Variants in TIAM2 observed in about 807,000 individuals in gnomAD.
TIAM2 encodes the protein rho guanine nucleotide exchange factor TIAM2.
TIAM2 carries 80 observed loss-of-function variants against 152.9 expected under a neutral mutation model. The ratio of observed to expected loss-of-function variants is 0.52; its 90% CI spans 0.44 to 0.63. The LOEUF (loss-of-function observed/expected upper bound fraction) is 0.63, where lower values mean the gene tolerates loss of function less well. Ranked by LOEUF, TIAM2 falls within the 30% of genes least tolerant of loss-of-function variation. TIAM2 has a pLI of 0.00. For synonymous variants in TIAM2, 804 were observed against 838.0 expected (o/e 0.96, Z 0.70); for missense variants, 1,965 against 2,120.1 (o/e 0.93, Z 1.44).
intron 1 of TIAM2, among the ~76,000 whole-genome samples, chr6:155,077,213 A>G (rs909175168): frequency 6.6e-6 from 1 of 151,316 alleles, no homozygotes; most frequent in Non-Finnish European, 1.5e-5. Flanking sequence ...CAGGAACCCT[A>G]TAGGCTTAGC....
chr6:155,137,637 G>A (rs758154892), intron 5 of TIAM2, 25 bp downstream of exon 5: 15 of 1,529,036 alleles, frequency 9.8e-6, no homozygotes, highest in African/African-American at 8.3e-5. Flanking sequence ...ACCTGCTGAG[G>A]CCACTGGGGA....
At chr6:155,181,292 G>A (rs570335179) in intron 12 of TIAM2, among the ~76,000 whole-genome samples, 18 of 152,270 alleles carry the variant, frequency 1.2e-4, no homozygotes, top group African/African-American at 3.8e-4. Flanking sequence ...TTTGCATGTA[G>A]TCTTATGTAT....
At chr6:155,228,983 G>C (rs898225293) in intron 15 of TIAM2, among the ~76,000 whole-genome samples, 1 of 152,168 alleles carries the variant, frequency 6.6e-6, no homozygotes, top group Non-Finnish European at 1.5e-5. Context: ...TTGCCACTTG[G>C]GACATGCACA....
intron 1 of TIAM2, among the ~76,000 whole-genome samples, chr6:155,029,435 ATATTATACTATAGTATATAT>A: frequency 2.3e-5 from 1 of 44,024 alleles, no homozygotes; most frequent in Non-Finnish European, 3.9e-5. Flanking sequence ...ACTATAGTAT[ATATTATACTATAGTATATAT>A]TATATATAAT....
intron 2 of TIAM2, among the ~76,000 whole-genome samples, chr6:155,099,235 T>A (rs1334505381): frequency 6.6e-6 from 1 of 151,430 alleles, no homozygotes; most frequent in African/African-American, 2.4e-5. Flanking sequence ...TGTGTGTGTG[T>A]GTGTGTGTGT....
chr6:155,093,171 T>C (rs1778341083), intron 2 of TIAM2, among the ~76,000 whole-genome samples: 1 of 152,242 alleles, frequency 6.6e-6, no homozygotes, highest in African/African-American at 2.4e-5. Context: ...TAAACTTTGC[T>C]TGGCCTCAGT....
chr6:155,242,303 TTTC>T (rs1783074256), intron 16 of TIAM2, among the ~76,000 whole-genome samples: 1 of 152,180 alleles, frequency 6.6e-6, no homozygotes, highest in African/African-American at 2.4e-5. Context: ...CACACCACCG[TTTC>T]TTCATTTCTT....
intron 15 of TIAM2, among the ~76,000 whole-genome samples, chr6:155,233,284 G>T (rs1354223955): frequency 1.3e-5 from 2 of 152,180 alleles, no homozygotes; most frequent in Non-Finnish European, 2.9e-5. Flanking sequence ...TATCAAAGTT[G>T]TTGTGATCAA....
At chr6:155,083,272 C>A (rs1267064371) in intron 1 of TIAM2, among the ~76,000 whole-genome samples, 2 of 150,856 alleles carry the variant, frequency 1.3e-5, no homozygotes, top group Non-Finnish European at 2.9e-5. Flanking sequence ...TCACTTGAAC[C>A]CTGGAGGCAG....
intron 20 of TIAM2, among the ~76,000 whole-genome samples, chr6:155,249,517 G>A (rs1043083918): frequency 1.3e-5 from 2 of 152,102 alleles, no homozygotes; most frequent in African/African-American, 4.8e-5. Context: ...GAGTTATTGC[G>A]GGCACTAAAT....
chr6:155,125,816 C>T lies in TIAM2; in HGVS notation c.-117-1674C>T, dbSNP rs556876790. On this transcript the variant is annotated intron_variant, in intron 2 of 26. Transcript: ENST00000682666. ...TTGTGCCACTGCACTCCAGCCTGGACGACAGAGCAAGACTCTGTCTCCAAA... is the reference window on the plus strand; with the variant it reads ...TTGTGCCACTGCACTCCAGCCTGGATGACAGAGCAAGACTCTGTCTCCAAA... Among the ~76,000 whole-genome samples the T allele has an allele frequency of 1.1e-3, 162 of 149,790 alleles. 1 individual carries two copies. Among genetic ancestry groups the T allele is most frequent in the East Asian group, 7.5e-3 (38 of 5,094 alleles).
At chr6:155,028,614 CTACATATAATATATATACTGTGTTAT>C (rs1776694991) in intron 1 of TIAM2, among the ~76,000 whole-genome samples, 2 of 116,940 alleles carry the variant, frequency 1.7e-5, no homozygotes, top group African/African-American at 6.7e-5. Flanking sequence ...GTTATATATA[CTACATATAATATATATACTGTGTTAT>C]ATATATACTA....
intron 9 of TIAM2, among the ~76,000 whole-genome samples, chr6:155,175,319 G>A (rs1269250655): frequency 6.6e-6 from 1 of 152,130 alleles, no homozygotes; most frequent in Non-Finnish European, 1.5e-5. Flanking sequence ...ATTTCTTTAC[G>A]ATGTCTCTTC....
chr6:155,105,985 T>TTATTTTATTTTATTG (rs1296759182), intron 2 of TIAM2, among the ~76,000 whole-genome samples: 1 of 144,864 alleles, frequency 6.9e-6, no homozygotes. Context: ...GTATTTTTAT[T>TTATTTTATTTTATTG]TATTTTATTT....
intron 15 of TIAM2, among the ~76,000 whole-genome samples, chr6:155,212,579 G>A (rs561127190): frequency 1.3e-5 from 2 of 152,318 alleles, no homozygotes; most frequent in East Asian, 1.9e-4. Context: ...ACGATGGCTC[G>A]GTTGGGTTTA....
intron 14 of TIAM2, among the ~76,000 whole-genome samples, chr6:155,183,703 A>T (rs1018462433): frequency 6.6e-6 from 1 of 152,226 alleles, no homozygotes; most frequent in African/African-American, 2.4e-5. Context: ...ATTAAAATAG[A>T]AAATAATTAT....
intron 2 of TIAM2, among the ~76,000 whole-genome samples, chr6:155,119,170 G>A (rs1480105182): frequency 1.3e-5 from 2 of 151,830 alleles, no homozygotes; most frequent in Non-Finnish European, 2.9e-5. Context: ...GAGTAGCTGG[G>A]ATTACAGGTG....
chr6:155,254,411 C>G lies in TIAM2; in HGVS notation c.4314-8C>G, dbSNP rs148014772. On this transcript the variant is annotated splice_polypyrimidine_tract_variant and splice_region_variant and intron_variant, in intron 25 of 26. Coordinates refer to ENST00000682666, the MANE Select transcript of TIAM2 (RefSeq NM_012454.4). ...CACTTCTGCTGTTTTCTCTCCCCCCCCACCCAGTGACAGTGAAAGCAAAAC... is the reference window on the plus strand; with the variant it reads ...CACTTCTGCTGTTTTCTCTCCCCCCGCACCCAGTGACAGTGAAAGCAAAAC... The G allele has an allele frequency of 2.3e-4, 363 of 1,610,296 alleles. No homozygotes were observed. The East Asian group carries it at 6.7e-3, about 30-fold the overall frequency.
At chr6:155,175,780 T>C (rs1780746610) in intron 9 of TIAM2, among the ~76,000 whole-genome samples, 1 of 152,216 alleles carries the variant, frequency 6.6e-6, no homozygotes, top group African/African-American at 2.4e-5. Context: ...CAAAAGGACG[T>C]ATTAGCATGA....
Sources: gnomAD v4.1 joint callset for allele counts (sites outside exome capture counted in the v4.1 genomes callset) on GRCh38, gnomAD v4.1.1 for gene constraint, MANE v1.5 for transcripts, NCBI Gene and HGNC (gene_info 2026-07-23, HGNC 2026-07-21) for gene names.